Variants in SNX14 observed in about 807,000 individuals in gnomAD.
SNX14 encodes sorting nexin-14.
Under a neutral mutation model 133.8 loss-of-function variants are expected in SNX14, and 93 were observed. The observed-to-expected ratio is 0.70, with a 90% CI of 0.59 to 0.83. SNX14 has a LOEUF of 0.83. Among genes scored for constraint, SNX14 ranks in the 40% least tolerant of loss-of-function variants. SNX14 has a pLI of 0.00. For synonymous variants in SNX14, 368 were observed against 365.6 expected (o/e 1.01, Z -0.07); for missense variants, 945 against 1,094.9 (o/e 0.86, Z 1.93).
At chr6:85,553,837 T>C (rs7766485) in intron 7 of SNX14, among the ~76,000 whole-genome samples, 70,038 of 151,158 alleles carry the variant, frequency 0.46, 17,616 homozygotes, top group Middle Eastern at 0.59. Flanking sequence ...CACTGAAAAG[T>C]CATAATGTAA....
In SNX14 at chr6:85,543,297, C is replaced by T; in HGVS notation, c.1274G>A (p.Gly425Asp). ...AAGTTTCACAACATCTATGTATGGGCCTTCAGCAACTATTAAAAAAATTCT... is the reference window on the plus strand; with the variant it reads ...AAGTTTCACAACATCTATGTATGGGTCTTCAGCAACTATTAAAAAAATTCT... ...IVEEIQRIAE[G>D]PYIDVVKLQT... Residue 425 changes from glycine to aspartate, a missense_variant, in exon 14 of 29, where the codon GGC (glycine) becomes GAC (aspartate). Transcript: ENST00000314673. 1.3e-6 allele frequency: 2 copies of T among 1,563,836 alleles called. No individual in the cohort carries two copies. The highest frequency in any genetic ancestry group is 1.7e-6 in the Non-Finnish European group (2 of 1,162,282).
chr6:85,506,085 A>C, intron 28 of SNX14, 80 bp from the exon 29 acceptor site: 2 of 901,790 alleles, frequency 2.2e-6, no homozygotes, highest in Non-Finnish European at 3.7e-6. Flanking sequence ...TAGTGTATTA[A>C]AATTCTAACC....
In SNX14 at chr6:85,557,907, T is replaced by C. The variant is rs797006720; in HGVS notation, c.634+69A>G. On this transcript the variant is annotated intron_variant, in intron 7 of 28. Coordinates refer to ENST00000314673, the MANE Select transcript of SNX14 (RefSeq NM_153816.6). ...AAGTTAATTAATCAGTACTCATATTTAGATATTTCGGGTGAAAATTGGTGT... is the reference window on the plus strand; with the variant it reads ...AAGTTAATTAATCAGTACTCATATTCAGATATTTCGGGTGAAAATTGGTGT... 4.8e-5 allele frequency: 40 copies of C among 827,066 alleles called. No individual in the cohort carries two copies. The African/African-American group carries it at 6.3e-4, about 13-fold the overall frequency. 51.2% of individuals were successfully genotyped at this position (827,066 alleles called of 1,614,324 possible). A position where few individuals can be genotyped will look rare whatever the true frequency, so the allele number is the denominator to read the frequency against.
intron 20 of SNX14, 22 bp from the exon 21 acceptor site, chr6:85,526,259 G>A (rs1398162434): frequency 6.7e-7 from 1 of 1,486,768 alleles, no homozygotes; most frequent in Admixed American, 2.0e-5. Flanking sequence ...AAAAAAAACG[G>A]AAAACACAGT....
intron 1 of SNX14, among the ~76,000 whole-genome samples, chr6:85,592,175 C>T (rs974979244): frequency 7.2e-5 from 11 of 152,202 alleles, no homozygotes; most frequent in African/African-American, 2.2e-4. Flanking sequence ...GTTCAAACAT[C>T]TCACCATCAC....
intron 13 of SNX14, 93 bp from the exon 14 acceptor site, chr6:85,543,399 T>C: frequency 8.1e-7 from 1 of 1,233,972 alleles, no homozygotes; most frequent in South Asian, 1.7e-5. Flanking sequence ...TGAAACACAC[T>C]AGATTGAGAA....
intron 20 of SNX14, among the ~76,000 whole-genome samples, chr6:85,526,460 T>C (rs1006531430): frequency 6.6e-6 from 1 of 152,184 alleles, no homozygotes; most frequent in Non-Finnish European, 1.5e-5. Flanking sequence ...TTCCACATGC[T>C]AGCTAAGTGC....
At chr6:85,534,141 T>C (rs1412741631) in intron 17 of SNX14, among the ~76,000 whole-genome samples, 1 of 152,162 alleles carries the variant, frequency 6.6e-6, no homozygotes, top group Non-Finnish European at 1.5e-5. Flanking sequence ...AAGTAGGCAC[T>C]GCTGCCAAAT....
intron 27 of SNX14, 45 bp from the exon 28 acceptor site, chr6:85,507,334 C>T: frequency 2.0e-6 from 3 of 1,477,130 alleles, no homozygotes; most frequent in Non-Finnish European, 2.8e-6. Flanking sequence ...AGGCACTAAA[C>T]ACAAAAACCA....
Position 85,574,336 on chromosome 6 carries a change from T to G in SNX14, c.183A>C (p.Gly61=). The change falls in exon 2 of 29, where the codon GGA becomes GGC. Residue 61 remains glycine (G), a synonymous_variant. Transcript: ENST00000314673. ...ILMIFWSFVA[G]VVTFYCSLGP... is the part of the protein sequence containing the mutation. ...CTAGTGAGCAGTAGAATGTGACAACTCCAGCAACAAATGACCAGAAGATCA... is the reference window on the plus strand; with the variant it reads ...CTAGTGAGCAGTAGAATGTGACAACGCCAGCAACAAATGACCAGAAGATCA... 2 of 1,579,360 alleles carry G rather than the reference T, an allele frequency of 1.3e-6. No individual in the cohort carries two copies. Among genetic ancestry groups the G allele is most frequent in the South Asian group, 2.3e-5 (2 of 88,870 alleles).
chr6:85,558,751 A>G (rs1323960073), intron 6 of SNX14, among the ~76,000 whole-genome samples: 1 of 152,168 alleles, frequency 6.6e-6, no homozygotes, highest in Non-Finnish European at 1.5e-5. Flanking sequence ...CTGGGATTAA[A>G]GGCATTAGCC....
At chr6:85,587,833 A>G (rs1195929169) in intron 1 of SNX14, among the ~76,000 whole-genome samples, 1 of 152,256 alleles carries the variant, frequency 6.6e-6, no homozygotes, top group Non-Finnish European at 1.5e-5. Context: ...GAATAGAGCA[A>G]TTATCATTAA....
At chr6:85,542,637 G>C (rs999550461) in intron 14 of SNX14, among the ~76,000 whole-genome samples, 1 of 152,058 alleles carries the variant, frequency 6.6e-6, no homozygotes, top group Non-Finnish European at 1.5e-5. Context: ...CTTGTGATCC[G>C]CCCGCCTCGG....
chr6:85,540,723 C>T (rs944612949), intron 15 of SNX14, among the ~76,000 whole-genome samples: 2 of 152,120 alleles, frequency 1.3e-5, no homozygotes, highest in Non-Finnish European at 2.9e-5. Flanking sequence ...TCAAGAAATA[C>T]AATATATTCT....
At chr6:85,540,276 G>A (rs1327562300) in intron 15 of SNX14, among the ~76,000 whole-genome samples, 1 of 152,092 alleles carries the variant, frequency 6.6e-6, no homozygotes, top group Non-Finnish European at 1.5e-5. Flanking sequence ...ACCAAAGCAG[G>A]CTTTTAAGGT....
intron 1 of SNX14, among the ~76,000 whole-genome samples, chr6:85,591,871 G>A (rs1465745340): frequency 2.0e-5 from 3 of 152,132 alleles, no homozygotes; most frequent in Non-Finnish European, 4.4e-5. Context: ...AAAGTAGCCG[G>A]GCATGGTGGT....
intron 18 of SNX14, among the ~76,000 whole-genome samples, chr6:85,531,029 C>T (rs1780130879): frequency 6.6e-6 from 1 of 152,152 alleles, no homozygotes; most frequent in South Asian, 2.1e-4. Flanking sequence ...CATGGATCTG[C>T]ATTAATATAG....
At chr6:85,543,386 C>A in intron 13 of SNX14, 80 bp from the exon 14 acceptor site, 2 of 1,253,358 alleles carry the variant, frequency 1.6e-6, no homozygotes. Flanking sequence ...ACTGAAACTC[C>A]ACTGAAACAC....
At chr6:85,562,663 C>A (rs1180485088) in intron 6 of SNX14, among the ~76,000 whole-genome samples, 2 of 133,738 alleles carry the variant, frequency 1.5e-5, no homozygotes, top group Non-Finnish European at 3.1e-5. Context: ...GATCTCGGCT[C>A]ACTGTAACTT....
Sources: gnomAD v4.1 joint callset for allele counts (sites outside exome capture counted in the v4.1 genomes callset) on GRCh38, gnomAD v4.1.1 for gene constraint, MANE v1.5 for transcripts, NCBI Gene and HGNC (gene_info 2026-07-23, HGNC 2026-07-21) for gene names.